The following PSD3 variants were observed in gnomAD, a reference collection of about 807,000 sequenced individuals.
PSD3 encodes pleckstrin and Sec7 domain containing 3.
PSD3 carries 49 observed loss-of-function variants against 105.5 expected under a neutral mutation model. The observed-to-expected ratio is 0.46, with a 90% confidence interval of 0.37 to 0.59. The LOEUF (loss-of-function observed/expected upper bound fraction) is 0.59, where lower values mean the gene tolerates loss of function less well. PSD3 is among the 20% of genes least tolerant of loss of function. The pLI is 0.00. For synonymous variants in PSD3, 557 were observed against 457.8 expected, an observed-to-expected ratio of 1.22 and a Z score of -2.77; for missense variants, 1,561 against 1,263.8, an observed-to-expected ratio of 1.24 and a Z score of -3.57.
chr8:18,934,448 T>G (rs898277486), intron 2 of PSD3, among the ~76,000 whole-genome samples: 1 of 152,148 alleles, frequency 6.6e-6, no homozygotes, highest in Admixed American at 6.5e-5. Flanking sequence ...TCTCGCTCTA[T>G]CGCCCAGGCT....
chr8:19,036,786 T>G (rs113422043), intron 1 of PSD3, among the ~76,000 whole-genome samples: 71 of 152,314 alleles, frequency 4.7e-4, no homozygotes, highest in African/African-American at 1.5e-3. Flanking sequence ...TGAAATGTCC[T>G]CTTGTACGTG....
chr8:18,912,393 A>G (rs532067823), intron 2 of PSD3, among the ~76,000 whole-genome samples: 1 of 152,338 alleles, frequency 6.6e-6, no homozygotes, highest in Non-Finnish European at 1.5e-5. Context: ...ACCAGGGGGC[A>G]GTGTTGTCTA....
chr8:18,656,955 A>G lies in PSD3; in HGVS notation c.2173-1270T>C, dbSNP rs537366515. On this transcript the variant is annotated intron_variant, in intron 9 of 15. Transcript: ENST00000327040. ...CATTTCTAAGGTACAAAACCACAAG[A>G]GCAAATTATATTTAACAAAAGAACG... Among the ~76,000 whole-genome samples the G allele has an allele frequency of 3.9e-5, 6 of 152,342 alleles. No individual in the cohort carries two copies. The South Asian group carries it at 1.0e-3, about 26-fold the overall frequency.
At chr8:18,572,737 A>G (rs1802220646) in intron 13 of PSD3, 65 bp from the exon 14 acceptor site, 3 of 1,540,994 alleles carry the variant, frequency 1.9e-6, no homozygotes, top group South Asian at 1.2e-5. Context: ...CACTTTGCCT[A>G]TTTCACGTTA....
chr8:18,863,952 A>G (rs1816639915), intron 4 of PSD3, among the ~76,000 whole-genome samples: 1 of 152,204 alleles, frequency 6.6e-6, no homozygotes. Flanking sequence ...CAGCCTTCCC[A>G]ACCTCTTGCA....
At chr8:18,941,665 CTTTT>C (rs869259596) in intron 1 of PSD3, among the ~76,000 whole-genome samples, 209 of 107,716 alleles carry the variant, frequency 1.9e-3, no homozygotes, top group African/African-American at 7.5e-3. Context: ...TGTAGAATGA[CTTTT>C]TTTTTTTTTT....
At chr8:18,740,533 A>T (rs1050153240) in intron 9 of PSD3, among the ~76,000 whole-genome samples, 1 of 152,154 alleles carries the variant, frequency 6.6e-6, no homozygotes, top group African/African-American at 2.4e-5. Context: ...AGAGAGTCTG[A>T]GTGACCTTGG....
intron 1 of PSD3, among the ~76,000 whole-genome samples, chr8:19,048,517 ACT>A (rs1828403983): frequency 6.6e-6 from 1 of 151,446 alleles, no homozygotes; most frequent in Non-Finnish European, 1.5e-5. Context: ...AAGCAGTTTA[ACT>A]GCCAAAGTGC....
intron 12 of PSD3, among the ~76,000 whole-genome samples, chr8:18,595,916 T>C (rs532892057): frequency 1.8e-4 from 27 of 152,114 alleles, no homozygotes; most frequent in South Asian, 1.5e-3. Context: ...CTAGCAAACA[T>C]ATACAGAACA....
At chr8:19,057,108 T>G (rs1164321979) in intron 1 of PSD3, among the ~76,000 whole-genome samples, 1 of 152,158 alleles carries the variant, frequency 6.6e-6, no homozygotes, top group Non-Finnish European at 1.5e-5. Flanking sequence ...CAATCCTGCA[T>G]CAACAGCACA....
At chr8:19,054,472 G>A (rs1005219529) in intron 1 of PSD3, among the ~76,000 whole-genome samples, 15 of 152,080 alleles carry the variant, frequency 9.9e-5, no homozygotes, top group Non-Finnish European at 2.1e-4. Context: ...AAGGAAAGGA[G>A]GAAGGGAAGG....
At chr8:19,081,353 A>T (rs958542892) in intron 1 of PSD3, among the ~76,000 whole-genome samples, 3 of 152,216 alleles carry the variant, frequency 2.0e-5, no homozygotes, top group Admixed American at 1.3e-4. Context: ...ACAGACCACC[A>T]GGCCTCAGGA....
intron 6 of PSD3, chr8:18,802,255 A>G (rs2638646): frequency 0.89 from 222,943 of 251,570 alleles, 99,192 homozygotes; most frequent in Non-Finnish European, 0.92. Context: ...TAGGAAGTGT[A>G]TCAAAAACCA....
At chr8:18,895,623 C>CA (rs748308701) in intron 2 of PSD3, among the ~76,000 whole-genome samples, 2 of 152,120 alleles carry the variant, frequency 1.3e-5, no homozygotes, top group Non-Finnish European at 2.9e-5. Context: ...TAATTTCTGA[C>CA]AAAAGCACAA....
At chr8:18,571,000 C>T (rs1802100918) in intron 14 of PSD3, among the ~76,000 whole-genome samples, 1 of 152,142 alleles carries the variant, frequency 6.6e-6, no homozygotes, top group East Asian at 1.9e-4. Flanking sequence ...GCTGGGATTA[C>T]AGTCATCCAC....
chr8:19,062,374 T>C (rs1265904709), intron 1 of PSD3, among the ~76,000 whole-genome samples: 1 of 152,132 alleles, frequency 6.6e-6, no homozygotes, highest in Non-Finnish European at 1.5e-5. Flanking sequence ...ATGCTTACAG[T>C]TGATGGGGTG....
At chr8:18,660,348 T>A (rs9693275) in intron 9 of PSD3, among the ~76,000 whole-genome samples, 1 of 152,070 alleles carries the variant, frequency 6.6e-6, no homozygotes, top group African/African-American at 2.4e-5. Flanking sequence ...AAAAGCCCTG[T>A]TGACCTCTTG....
chr8:18,994,864 T>C (rs28430594), intron 1 of PSD3, among the ~76,000 whole-genome samples: 58,079 of 151,560 alleles, frequency 0.38, 11,677 homozygotes, highest in Middle Eastern at 0.58. Flanking sequence ...AGAAACTAAA[T>C]GTAGAATTTA....
chr8:19,031,690 T>C (rs1487129131), intron 1 of PSD3, among the ~76,000 whole-genome samples: 1 of 152,206 alleles, frequency 6.6e-6, no homozygotes, highest in Admixed American at 6.5e-5. Flanking sequence ...CTCATCATAG[T>C]GCTGCTGGGT....
Sources: allele counts gnomAD v4.1 joint callset (sites outside exome capture counted in the v4.1 genomes callset), GRCh38; gene constraint gnomAD v4.1.1; transcripts MANE v1.5; gene names NCBI Gene and HGNC (gene_info 2026-07-23, HGNC 2026-07-21).